The following MSRB2 variants were observed in gnomAD, a reference collection of about 807,000 sequenced individuals.
The protein encoded by MSRB2 is methionine sulfoxide reductase B2.
In MSRB2, 17 loss-of-function variants were observed where a neutral mutation model predicts 19.0. The ratio of observed to expected loss-of-function variants is 0.89; its 90% CI spans 0.61 to 1.34. The LOEUF (loss-of-function observed/expected upper bound fraction) is 1.34. Among genes scored for constraint, MSRB2 ranks in the 40% most tolerant of loss-of-function variants. MSRB2 has a pLI of 0.00. For missense variants in MSRB2, 208 were observed against 237.6 expected (o/e 0.88, Z 0.82); for synonymous variants, 107 against 99.7 (o/e 1.07, Z -0.44).
chr10:23,109,424 T>G (rs1279720570), intron 2 of MSRB2, among the ~76,000 whole-genome samples: 1 of 151,734 alleles, frequency 6.6e-6, no homozygotes, highest in Non-Finnish European at 1.5e-5. Context: ...GCACCTGTAG[T>G]CCCAGCTATT....
chr10:23,106,384 A>G (rs1021093017), intron 2 of MSRB2, among the ~76,000 whole-genome samples: 1 of 152,246 alleles, frequency 6.6e-6, no homozygotes. Flanking sequence ...CTGCTAGACC[A>G]ACGAATAAAT....
chr10:23,119,677 C>T (rs1840159925), intron 4 of MSRB2, among the ~76,000 whole-genome samples: 1 of 152,152 alleles, frequency 6.6e-6, no homozygotes, highest in Admixed American at 6.5e-5. Context: ...GATCTCAGCT[C>T]ACTGCAGCCT....
chr10:23,100,957 A>T (rs757855568), intron 1 of MSRB2, among the ~76,000 whole-genome samples: 7 of 152,202 alleles, frequency 4.6e-5, no homozygotes, highest in Non-Finnish European at 1.0e-4. Context: ...TAGTAGATAG[A>T]TACCATGGTT....
chr10:23,119,241 C>T, intron 3 of MSRB2, 63 bp from the exon 4 acceptor site: 1 of 1,582,312 alleles, frequency 6.3e-7, no homozygotes, highest in Non-Finnish European at 8.7e-7. Flanking sequence ...CACATCGGGG[C>T]ACCTCTTGGC....
At chr10:23,113,710 A>G (rs1840079468) in intron 3 of MSRB2, among the ~76,000 whole-genome samples, 1 of 152,214 alleles carries the variant, frequency 6.6e-6, no homozygotes, top group African/African-American at 2.4e-5. Flanking sequence ...TAATTCCAAA[A>G]TCACTGCTGT....
Position 23,110,293 on chromosome 10 carries a change from G to A in MSRB2, c.271G>A (p.Val91Met), listed in dbSNP as rs41277408. ...NNKEAGMYHC[V>M]CCDSPLFSSE... ...CAAGGAAGCAGGAATGTATCATTGC[G>A]TGTGCTGCGACAGTCCACTCTTCAG... The change falls in exon 3 of 5, where the codon GTG becomes ATG. Residue 91 changes from valine (V) to methionine (M), a missense_variant. Val to Met is a conservative substitution (Grantham distance 21, BLOSUM62 1). Transcript: ENST00000376510. 367 of 1,613,892 alleles carry A rather than the reference G, an allele frequency of 2.3e-4. 2 individuals are homozygous for A. The highest frequency in any genetic ancestry group is 1.4e-3 in the South Asian group (125 of 91,052).
chr10:23,113,175 G>T lies in MSRB2; in HGVS notation c.296+2857G>T, dbSNP rs538654876. The stretch of plus-strand genomic sequence containing the variant: ...GTGGAGTGAAAGTGAAGGGAAAGTT[G>T]GTCAACCAAAACTAAGTAGTTCTTT... On this transcript the variant is annotated intron_variant, in intron 3 of 4. Transcript: ENST00000376510. Among the ~76,000 whole-genome samples the T allele has an allele frequency of 2.0e-5, 3 of 152,252 alleles. No individual in the cohort carries two copies. The South Asian group carries it at 6.2e-4, about 32-fold the overall frequency.
intron 2 of MSRB2, among the ~76,000 whole-genome samples, chr10:23,108,929 T>G (rs1840014675): frequency 6.6e-6 from 1 of 152,222 alleles, no homozygotes; most frequent in Non-Finnish European, 1.5e-5. Flanking sequence ...ACCCAGATGG[T>G]AGGCTCAGTA....
chr10:23,096,201 G>A (rs1839864786), intron 1 of MSRB2, among the ~76,000 whole-genome samples: 1 of 152,146 alleles, frequency 6.6e-6, no homozygotes. Context: ...GGGTTCCTGT[G>A]AGTGTTTCCT....
At chr10:23,119,816 A>G (rs2131635551) in intron 4 of MSRB2, among the ~76,000 whole-genome samples, 1 of 151,794 alleles carries the variant, frequency 6.6e-6, no homozygotes, top group South Asian at 2.1e-4. Flanking sequence ...GCTGGTCTCA[A>G]ACTCCTGACC....
rs976111550 is a variant in MSRB2 at position 23,095,620 on chromosome 10, C to T, written c.12C>T (p.Leu4=). 5 of 1,478,160 alleles carry T rather than the reference C, an allele frequency of 3.4e-6. No homozygotes were observed. The highest frequency in any genetic ancestry group is 2.4e-4 in the Middle Eastern group (1 of 4,236). 91.6% of individuals were successfully genotyped at this position (1,478,160 alleles called of 1,614,324 possible). A position where few individuals can be genotyped will look rare whatever the true frequency, so the allele number is the denominator to read the frequency against. The change falls in exon 1 of 5, where the codon CTC becomes CTT. Residue 4 remains leucine (L), a synonymous_variant. Coordinates refer to ENST00000376510, the MANE Select transcript of MSRB2 (RefSeq NM_012228.4). ...CCGGAGCGGGCGTCATGGCGCGGCT[C>T]CTCTGGTTGCTCCGGGGCCTGACCC... MAR[L]LWLLRGLTLG...
intron 3 of MSRB2, among the ~76,000 whole-genome samples, chr10:23,113,070 C>T (rs1184831122): frequency 1.3e-5 from 2 of 152,326 alleles, no homozygotes; most frequent in African/African-American, 4.8e-5. Context: ...CTCTCATTTT[C>T]CTTCTCTTTC....
Position 23,118,330 on chromosome 10 carries a change from G to GTTTTT in MSRB2, c.297-972_297-968dup, listed in dbSNP as rs199691499. On this transcript the variant is annotated intron_variant, in intron 3 of 4. Transcript: ENST00000376510. ...TTTGCTACTTTTTCTTCTTAGATTA[G>GTTTTT]TTTTTTGTTTTTTTTTTTTTTTTTT... Among the ~76,000 whole-genome samples the GTTTTT allele has an allele frequency of 3.2e-3, 278 of 86,528 alleles. 8 individuals are homozygous for GTTTTT. The highest frequency in any genetic ancestry group is 0.012 in the African/African-American group (257 of 20,816). 56.8% of individuals were successfully genotyped at this position (86,528 alleles called of 152,430 possible). A position where few individuals can be genotyped will look rare whatever the true frequency, so the allele number is the denominator to read the frequency against.
At chr10:23,108,354 T>C (rs913155872) in intron 2 of MSRB2, among the ~76,000 whole-genome samples, 8 of 152,222 alleles carry the variant, frequency 5.3e-5, no homozygotes, top group African/African-American at 1.9e-4. Flanking sequence ...AAATTATGTT[T>C]TGAGTCTTTC....
At chr10:23,114,988 C>A (rs35990418) in intron 3 of MSRB2, among the ~76,000 whole-genome samples, 34,645 of 152,068 alleles carry the variant, frequency 0.23, 4,397 homozygotes, top group Non-Finnish European at 0.28. Flanking sequence ...GTGATCCCAG[C>A]CAGTGTAACT....
At chr10:23,103,122 A>G (rs1839943388) in intron 1 of MSRB2, among the ~76,000 whole-genome samples, 1 of 152,364 alleles carries the variant, frequency 6.6e-6, no homozygotes, top group South Asian at 2.1e-4. Flanking sequence ...TAAGCAATCA[A>G]CTATATGTAT....
At chr10:23,100,770 C>T (rs867238978) in intron 1 of MSRB2, among the ~76,000 whole-genome samples, 4 of 152,184 alleles carry the variant, frequency 2.6e-5, no homozygotes, top group African/African-American at 9.7e-5. Context: ...TACAATGTCA[C>T]ATGAGATTTG....
intron 1 of MSRB2, among the ~76,000 whole-genome samples, chr10:23,103,209 A>T (rs1839944460): frequency 1.3e-5 from 2 of 152,192 alleles, no homozygotes; most frequent in South Asian, 4.1e-4. Flanking sequence ...ATAATTTAGG[A>T]CTTTTTTTGT....
At chr10:23,120,734 G>T in intron 4 of MSRB2, 24 bp from the exon 5 acceptor site, 1 of 1,584,710 alleles carries the variant, frequency 6.3e-7, no homozygotes, top group Non-Finnish European at 8.6e-7. Context: ...ATTTGGAGAT[G>T]ACAGAGGCTT....
Sources: allele counts gnomAD v4.1 joint callset (sites outside exome capture counted in the v4.1 genomes callset), GRCh38; gene constraint gnomAD v4.1.1; transcripts MANE v1.5; gene names NCBI Gene and HGNC (gene_info 2026-07-23, HGNC 2026-07-21).